Variants in TLK1 observed in about 807,000 individuals in gnomAD.
TLK1 encodes tousled like kinase 1.
A neutral mutation model predicts 105.3 loss-of-function variants in TLK1; 24 were observed. The observed-to-expected ratio is 0.23, with a 90% CI of 0.17 to 0.32. The LOEUF (loss-of-function observed/expected upper bound fraction) is 0.32. Ranked by LOEUF, TLK1 falls within the 10% of genes least tolerant of loss-of-function variation. The pLI, the probability that TLK1 is intolerant of heterozygous loss-of-function variation, is 1.00. For missense variants in TLK1, 558 were observed against 910.5 expected (o/e 0.61, Z 4.98); for synonymous variants, 321 against 310.4 (o/e 1.03, Z -0.36).
At chr2:171,164,991 G>A (rs1386043743), upstream of TLK1, among the ~76,000 whole-genome samples, 1 of 152,096 alleles carries the variant, frequency 6.6e-6, no homozygotes, top group Admixed American at 6.6e-5. Flanking sequence ...TGGCTAGAGT[G>A]ATAGATTACA....
intron 3 of TLK1, among the ~76,000 whole-genome samples, chr2:171,079,288 A>ACCTCT (rs1688645686): frequency 6.6e-6 from 1 of 152,026 alleles, no homozygotes; most frequent in Admixed American, 6.6e-5. Context: ...TTGAAGGAAG[A>ACCTCT]CCTCTTTGCT....
intron 1 of TLK1, among the ~76,000 whole-genome samples, chr2:171,138,797 AAG>A (rs1691450232): frequency 6.6e-6 from 1 of 152,206 alleles, no homozygotes; most frequent in Non-Finnish European, 1.5e-5. Context: ...TAAAAATACT[AAG>A]AGCAGTAATG....
chr2:170,997,888 T>C, intron 18 of TLK1, 65 bp from the exon 19 acceptor site: 1 of 994,566 alleles, frequency 1.0e-6, no homozygotes, highest in South Asian at 1.8e-5. Context: ...ATCTTCTAAG[T>C]GTAAAATCTT....
Position 171,097,513 on chromosome 2 carries a change from C to T in TLK1, c.259-14661G>A, listed in dbSNP as rs191414593. 6.9e-3 allele frequency among the ~76,000 whole-genome samples: 1,046 copies of T among 152,212 alleles called. 10 individuals are homozygous for T. Among genetic ancestry groups the T allele is most frequent in the Non-Finnish European group, 0.01 (684 of 68,002 alleles). On this transcript the variant is annotated intron_variant, in intron 2 of 20. Transcript: ENST00000431350. ...AAAAAGCTTATGCACAGAAGAAGAA[C>T]CAATCAACACAGTAAAGAGACAATC...
chr2:171,015,132 C>T (rs1685112033), intron 12 of TLK1, among the ~76,000 whole-genome samples, 184 bp from the exon 13 acceptor site: 1 of 151,840 alleles, frequency 6.6e-6, no homozygotes. Flanking sequence ...AGGCAAAAAC[C>T]TATTTGAAGA....
intron 1 of TLK1, among the ~76,000 whole-genome samples, chr2:171,123,228 G>GCT (rs1476512280): frequency 6.6e-6 from 1 of 152,018 alleles, no homozygotes; most frequent in Non-Finnish European, 1.5e-5. Context: ...ACGGAGTCTT[G>GCT]CTCTGTTGCC....
chr2:170,998,052 A>G (rs1684153027), intron 18 of TLK1, among the ~76,000 whole-genome samples: 2 of 72,128 alleles, frequency 2.8e-5, no homozygotes, highest in Admixed American at 1.2e-4. Flanking sequence ...ATCTTTATCT[A>G]TCTATCTATC....
chr2:171,230,165 C>A (rs12476502), intron 1 of TLK1, among the ~76,000 whole-genome samples: 7,786 of 152,278 alleles, frequency 0.051, 455 homozygotes, highest in East Asian at 0.25. Context: ...CACTTCATTG[C>A]TTTGCACAAA....
At chr2:170,996,571 A>T in intron 20 of TLK1, 82 bp downstream of exon 20, 1 of 1,118,652 alleles carries the variant, frequency 8.9e-7, no homozygotes, top group Non-Finnish European at 1.3e-6. Context: ...GACTTTACTT[A>T]CTGGAAAGTA....
intron 1 of TLK1, among the ~76,000 whole-genome samples, chr2:171,188,540 C>T (rs1693079407): frequency 6.6e-6 from 1 of 152,044 alleles, no homozygotes; most frequent in Admixed American, 6.6e-5. Context: ...CCTGTCTCTA[C>T]TAAAAATACA....
At chr2:171,035,986 T>C (rs913215276) in intron 11 of TLK1, among the ~76,000 whole-genome samples, 1 of 152,164 alleles carries the variant, frequency 6.6e-6, no homozygotes, top group Non-Finnish European at 1.5e-5. Flanking sequence ...GGTAAGGTAA[T>C]ATTTGTGTTG....
intron 11 of TLK1, 116 bp downstream of exon 11, chr2:171,046,058 T>C (rs1014985155): frequency 7.6e-6 from 7 of 920,844 alleles, no homozygotes; most frequent in Admixed American, 6.1e-5. Flanking sequence ...ACTGCCTTCC[T>C]TCCTGGTCTT....
chr2:171,011,341 G>C, intron 14 of TLK1, 32 bp downstream of exon 14: 2 of 1,562,562 alleles, frequency 1.3e-6, no homozygotes, highest in Non-Finnish European at 1.7e-6. Context: ...TGCTACATTA[G>C]TGTAAAAAAA....
intron 2 of TLK1, among the ~76,000 whole-genome samples, chr2:171,084,924 T>C (rs1488264874): frequency 1.3e-5 from 2 of 152,060 alleles, no homozygotes; most frequent in Non-Finnish European, 2.9e-5. Context: ...TGCTTTAAGA[T>C]AACCAGAAGG....
chr2:171,178,848 A>G (rs1221861568), intron 1 of TLK1, among the ~76,000 whole-genome samples: 2 of 152,238 alleles, frequency 1.3e-5, no homozygotes, highest in Non-Finnish European at 2.9e-5. Context: ...TTAACTTAAC[A>G]TTATCAAAAC....
chr2:171,033,160 C>T (rs1237143048), intron 11 of TLK1, among the ~76,000 whole-genome samples: 1 of 152,008 alleles, frequency 6.6e-6, no homozygotes, highest in African/African-American at 2.4e-5. Context: ...GAGCTGAGAT[C>T]GCACCACTGC....
Position 171,044,144 on chromosome 2 carries a change from G to C in TLK1, c.1169+2030C>G, listed in dbSNP as rs192100753. Among the ~76,000 whole-genome samples, 778 of 152,204 alleles carry C rather than the reference G, an allele frequency of 5.1e-3. 7 individuals are homozygous for C. The highest frequency in any genetic ancestry group is 0.017 in the African/African-American group (725 of 41,534). On this transcript the variant is annotated intron_variant, in intron 11 of 20. Transcript: ENST00000431350. ...AAGAAAAAATCAACAAAATCTGGCC[G>C]GGTGCAGTGGCTCATGCCTGTGATC...
intron 1 of TLK1, among the ~76,000 whole-genome samples, chr2:171,228,366 C>CA (rs1471099714): frequency 6.6e-6 from 1 of 152,174 alleles, no homozygotes; most frequent in Non-Finnish European, 1.5e-5. Context: ...CCAGCCTGAG[C>CA]AACACTGAAA....
chr2:171,038,192 T>C (rs971197457), intron 11 of TLK1, among the ~76,000 whole-genome samples: 4 of 152,198 alleles, frequency 2.6e-5, no homozygotes, highest in Non-Finnish European at 4.4e-5. Context: ...ATTCCTTTTT[T>C]CATTCCTGGG....
Sources: gnomAD v4.1 joint callset for allele counts (sites outside exome capture counted in the v4.1 genomes callset) on GRCh38, gnomAD v4.1.1 for gene constraint, MANE v1.5 for transcripts, NCBI Gene and HGNC (gene_info 2026-07-23, HGNC 2026-07-21) for gene names.